Variants in UBE4B observed in about 807,000 individuals in gnomAD.
The protein encoded by UBE4B is ubiquitin conjugation factor E4 B.
UBE4B carries 27 observed loss-of-function variants against 148.1 expected under a neutral mutation model. That is an observed-to-expected ratio of 0.18 (90% CI 0.13 to 0.25). The LOEUF (loss-of-function observed/expected upper bound fraction) is 0.25, where lower values mean the gene tolerates loss of function less well. UBE4B is among the 10% of genes least tolerant of loss of function. UBE4B has a pLI of 1.00. For synonymous variants in UBE4B, 596 were observed against 619.3 expected, an observed-to-expected ratio of 0.96 and a Z score of 0.56; for missense variants, 1,170 against 1,662.4, an observed-to-expected ratio of 0.70 and a Z score of 5.15.
chr1:10,152,143 G>A (rs2101989655), intron 21 of UBE4B, among the ~76,000 whole-genome samples: 1 of 151,874 alleles, frequency 6.6e-6, no homozygotes, highest in East Asian at 1.9e-4. Context: ...GCAGGTGCCT[G>A]TAGTCCCAGG....
intron 21 of UBE4B, among the ~76,000 whole-genome samples, chr1:10,157,052 G>A (rs1203308987): frequency 6.6e-6 from 1 of 152,084 alleles, no homozygotes; most frequent in Non-Finnish European, 1.5e-5. Context: ...GTCTTGCTTT[G>A]TCGCCCAGGC....
chr1:10,036,955 C>G (rs1168978293), intron 1 of UBE4B, among the ~76,000 whole-genome samples: 1 of 152,166 alleles, frequency 6.6e-6, no homozygotes, highest in Non-Finnish European at 1.5e-5. Flanking sequence ...TATAACCAGA[C>G]TGGTAGCTTT....
intron 1 of UBE4B, among the ~76,000 whole-genome samples, chr1:10,058,126 G>A (rs1051948265): frequency 5.9e-5 from 9 of 152,150 alleles, no homozygotes; most frequent in South Asian, 2.1e-4. Context: ...GAGCTGTAGC[G>A]GAGTGCTTGG....
intron 22 of UBE4B, among the ~76,000 whole-genome samples, chr1:10,158,935 G>A (rs145223511): frequency 0.017 from 2,641 of 151,760 alleles, 35 homozygotes; most frequent in Non-Finnish European, 0.027. Flanking sequence ...ACTTGAACCC[G>A]GGAGGCAGAA....
intron 1 of UBE4B, among the ~76,000 whole-genome samples, chr1:10,066,039 C>G (rs1023055487): frequency 7.0e-6 from 1 of 143,318 alleles, no homozygotes; most frequent in Non-Finnish European, 1.5e-5. Context: ...CTCCCTCCCC[C>G]CCTCCTTCCC....
intron 10 of UBE4B, among the ~76,000 whole-genome samples, chr1:10,123,761 G>T (rs1039502394): frequency 5.3e-5 from 8 of 151,982 alleles, no homozygotes; most frequent in African/African-American, 1.4e-4. Flanking sequence ...AACCACCGTT[G>T]TTGTTTTGTT....
chr1:10,177,096 C>A (rs1380928208), intron 25 of UBE4B, among the ~76,000 whole-genome samples: 2 of 151,672 alleles, frequency 1.3e-5, no homozygotes, highest in African/African-American at 4.8e-5. Context: ...CAGAAGAGTT[C>A]TTTATGTATT....
intron 2 of UBE4B, among the ~76,000 whole-genome samples, chr1:10,075,151 T>A (rs995466512): frequency 4.6e-5 from 7 of 152,220 alleles, no homozygotes; most frequent in Non-Finnish European, 8.8e-5. Flanking sequence ...GAACTGTTTA[T>A]CTCTGCTTCT....
intron 10 of UBE4B, among the ~76,000 whole-genome samples, chr1:10,125,589 GC>G (rs1256643477): frequency 2.0e-5 from 3 of 152,208 alleles, no homozygotes; most frequent in Admixed American, 2.0e-4. Context: ...TTTTCTAGTG[GC>G]TACATAGTAT....
At chr1:10,072,350 A>AGTGCTTG (rs2101832737) in intron 2 of UBE4B, 136 bp downstream of exon 2, 9 of 1,043,536 alleles carry the variant, frequency 8.6e-6, no homozygotes, top group Middle Eastern at 4.2e-4. Flanking sequence ...GCAGTAGTTT[A>AGTGCTTG]AATATCATTG....
intron 25 of UBE4B, among the ~76,000 whole-genome samples, chr1:10,173,480 A>AG (rs1491585763): frequency 2.6e-4 from 26 of 99,692 alleles, no homozygotes; most frequent in Admixed American, 2.0e-3. Flanking sequence ...AGACTGTCTC[A>AG]AAAAAAAAAA....
intron 15 of UBE4B, among the ~76,000 whole-genome samples, chr1:10,132,700 A>C (rs1171114604): frequency 6.6e-6 from 1 of 152,252 alleles, no homozygotes; most frequent in Non-Finnish European, 1.5e-5. Context: ...AAGAAAATAG[A>C]GCAAAGTAAA....
intron 2 of UBE4B, among the ~76,000 whole-genome samples, chr1:10,079,102 G>A (rs1443875430): frequency 1.3e-5 from 2 of 152,032 alleles, no homozygotes; most frequent in African/African-American, 4.8e-5. Flanking sequence ...TACAGGCATG[G>A]AGTTCTCCAT....
intron 21 of UBE4B, among the ~76,000 whole-genome samples, chr1:10,152,563 C>T (rs1321333312): frequency 6.6e-6 from 1 of 151,806 alleles, no homozygotes; most frequent in African/African-American, 2.4e-5. Context: ...TTTGGGAGGC[C>T]GAGGCGGGTG....
At chr1:10,117,623 A>T (rs753210618) in intron 8 of UBE4B, 23 bp downstream of exon 8, 5 of 520,640 alleles carry the variant, frequency 9.6e-6, no homozygotes, top group Admixed American at 5.1e-5. Context: ...GGATTAACTT[A>T]AAAAAAAAAA....
chr1:10,074,958 G>C (rs1557531414), intron 2 of UBE4B, among the ~76,000 whole-genome samples: 1 of 152,160 alleles, frequency 6.6e-6, no homozygotes, highest in African/African-American at 2.4e-5. Flanking sequence ...CTGCTTGGAT[G>C]TCTAACAGGC....
At chr1:10,139,798 G>A (rs766569889) in intron 17 of UBE4B, among the ~76,000 whole-genome samples, 1 of 152,158 alleles carries the variant, frequency 6.6e-6, no homozygotes, top group Non-Finnish European at 1.5e-5. Flanking sequence ...GTGCAATCTT[G>A]GCTCACCTCA....
At position 10,161,549 on chromosome 1, in the gene UBE4B, G is replaced by A. The variant is rs1035729753; in HGVS notation, c.3198+263G>A. Among the ~76,000 whole-genome samples, 8 of 152,090 alleles carry A rather than the reference G, an allele frequency of 5.3e-5. No homozygotes were observed. Among genetic ancestry groups the A allele is most frequent in the Non-Finnish European group, 1.0e-4 (7 of 68,010 alleles). ...TTTTTAATTTTAAAGGGCTTTTTTGGAGATGAGCTTTTATTGTCTGAATAT... is the reference window on the plus strand; with the variant it reads ...TTTTTAATTTTAAAGGGCTTTTTTGAAGATGAGCTTTTATTGTCTGAATAT... On this transcript the variant is annotated intron_variant, in intron 23 of 27. Coordinates refer to ENST00000343090, the MANE Select transcript of UBE4B (RefSeq NM_001105562.3). The surrounding 1 kb of genome is among the most constrained non-coding windows in gnomAD (Gnocchi z 4.1).
intron 23 of UBE4B, among the ~76,000 whole-genome samples, chr1:10,162,586 G>T (rs998477573): frequency 3.3e-5 from 5 of 151,580 alleles, no homozygotes; most frequent in Admixed American, 6.6e-5. Context: ...GGGACTACAG[G>T]CGTGAGTCAC....
Sources: allele counts gnomAD v4.1 joint callset (sites outside exome capture counted in the v4.1 genomes callset), GRCh38; gene constraint gnomAD v4.1.1; non-coding constraint Gnocchi (gnomAD v3.1); transcripts MANE v1.5; gene names NCBI Gene and HGNC (gene_info 2026-07-23, HGNC 2026-07-21).